SOAT1: variants seen among roughly 807,000 people sequenced by gnomAD.
SOAT1 encodes the protein sterol O-acyltransferase 1, also known as acyl-coenzyme A:cholesterol acyltransferase 1.
In SOAT1, 55 loss-of-function variants were observed where a neutral mutation model predicts 69.5. The observed-to-expected ratio is 0.79, with a 90% CI of 0.64 to 0.99. The LOEUF (loss-of-function observed/expected upper bound fraction) is 0.99. Ranked by LOEUF, SOAT1 falls within the 50% of genes least tolerant of loss-of-function variation. SOAT1 has a pLI of 0.00. For missense variants in SOAT1, 580 were observed against 669.3 expected (o/e 0.87, Z 1.47); for synonymous variants, 231 against 224.7 (o/e 1.03, Z -0.25).
chr1:179,296,187 T>C (rs1664633993), intron 1 of SOAT1, among the ~76,000 whole-genome samples: 1 of 152,040 alleles, frequency 6.6e-6, no homozygotes, highest in Non-Finnish European at 1.5e-5. Flanking sequence ...CAGACTGGTC[T>C]CAAACTCCTG....
intron 3 of SOAT1, among the ~76,000 whole-genome samples, chr1:179,333,032 T>C (rs1351790051): frequency 4.6e-5 from 7 of 152,228 alleles, no homozygotes; most frequent in African/African-American, 1.7e-4. Flanking sequence ...ACATTAGGCA[T>C]GTAATTATAA....
At chr1:179,325,228 C>T (rs572983232) in intron 3 of SOAT1, among the ~76,000 whole-genome samples, 1 of 147,782 alleles carries the variant, frequency 6.8e-6, no homozygotes, top group Admixed American at 7.0e-5. Context: ...CGGCTCACTG[C>T]AAGCTCCACC....
chr1:179,351,319 G>C lies in SOAT1; in HGVS notation c.1453G>C (p.Ala485Pro). The C allele has an allele frequency of 1.2e-6, 2 of 1,613,634 alleles. No individual in the cohort carries two copies. The highest frequency in any genetic ancestry group is 1.7e-6 in the Non-Finnish European group (2 of 1,179,834). The change falls in exon 15 of 16, where the codon GCT (alanine) becomes CCT (proline). Residue 485 changes from alanine (A) to proline (P), a missense_variant and splice_region_variant. Ala to Pro is a conservative substitution (Grantham distance 27, BLOSUM62 -1). Coordinates refer to ENST00000367619, the MANE Select transcript of SOAT1 (RefSeq NM_003101.6). ...CTTTGTTGCCTTCCTATTTTTAGTG[G>C]CTTTCAACTTCATTGTCAATGATAG... ...LFVLFMFFGM[A>P]FNFIVNDSRK...
intron 1 of SOAT1, among the ~76,000 whole-genome samples, chr1:179,296,237 G>A (rs996366836): frequency 2.0e-5 from 3 of 152,108 alleles, no homozygotes; most frequent in African/African-American, 7.2e-5. Flanking sequence ...CCAAAGAGGT[G>A]GGATTACAGG....
intron 2 of SOAT1, among the ~76,000 whole-genome samples, chr1:179,321,857 A>G (rs1014948360): frequency 2.0e-5 from 3 of 149,592 alleles, no homozygotes; most frequent in African/African-American, 7.3e-5. Flanking sequence ...GTTTCTTGTT[A>G]CTTGCTTATG....
At chr1:179,347,502 C>T in intron 11 of SOAT1, 98 bp from the exon 12 acceptor site, 1 of 669,146 alleles carries the variant, frequency 1.5e-6, no homozygotes, top group Non-Finnish European at 2.6e-6. Context: ...TTATATTTTA[C>T]AAAATAATCC....
intron 2 of SOAT1, among the ~76,000 whole-genome samples, chr1:179,319,521 T>C (rs923789168): frequency 7.9e-5 from 12 of 152,146 alleles, no homozygotes; most frequent in African/African-American, 2.9e-4. Context: ...CTGCCCGCCT[T>C]GGCCTCCCAA....
intron 3 of SOAT1, among the ~76,000 whole-genome samples, chr1:179,325,147 A>AATT (rs1553245742): frequency 7.2e-5 from 7 of 96,840 alleles, no homozygotes; most frequent in African/African-American, 2.7e-4. Flanking sequence ...TTAGTGACTA[A>AATT]TTTTTTTTTT....
At chr1:179,296,813 C>T (rs1664663591) in intron 1 of SOAT1, among the ~76,000 whole-genome samples, 1 of 152,176 alleles carries the variant, frequency 6.6e-6, no homozygotes, top group Admixed American at 6.5e-5. Flanking sequence ...TTAATGGGAA[C>T]ACGGAGGCAG....
Position 179,347,680 on chromosome 1 carries a change from G to T in SOAT1, c.1198G>T (p.Asp400Tyr). Residue 400 changes from aspartate to tyrosine, a missense_variant, in exon 12 of 16, where the codon GAC (aspartate) becomes TAC (tyrosine). By Grantham distance (160) the Asp-to-Tyr change is radical. Transcript: ENST00000367619. ...NAFAEMLRFG[D>Y]RMFYKDWWNS... The stretch of plus-strand genomic sequence containing the variant: ...CTTTGCTGAGATGTTACGCTTTGGT[G>T]ACAGGATGTTCTATAAGGTAGTATA... The T allele has an allele frequency of 6.2e-7, 1 of 1,609,886 alleles. No homozygotes were observed. The highest frequency in any genetic ancestry group is 8.5e-7 in the Non-Finnish European group (1 of 1,176,448).
intron 3 of SOAT1, among the ~76,000 whole-genome samples, chr1:179,326,786 TGGCCTCAAATGATCCACCCCACCTC>T (rs368568054): frequency 1.1e-4 from 16 of 152,158 alleles, no homozygotes; most frequent in African/African-American, 3.6e-4. Context: ...TTGGAACTCC[TGGCCTCAAATGATCCACCCCACCTC>T]GGCCTCCCAA....
chr1:179,312,792 C>T (rs1172074904), intron 2 of SOAT1, among the ~76,000 whole-genome samples: 2 of 152,210 alleles, frequency 1.3e-5, no homozygotes, highest in Non-Finnish European at 1.5e-5. Context: ...ACCCTTTACC[C>T]GCTTTGCCCT....
rs183118617 is a variant in SOAT1 at position 179,337,133 on chromosome 1, A to G, written c.330-704A>G. Among the ~76,000 whole-genome samples the G allele has an allele frequency of 2.4e-4, 37 of 152,326 alleles. No individual in the cohort carries two copies. In the East Asian group the frequency reaches 6.9e-3, roughly 29 times the overall value. ...CGAGTGAAGGCTATCAAAGGCTAATATGTGTTAACTTGCCATTCCATGCTC... is the reference window on the plus strand; with the variant it reads ...CGAGTGAAGGCTATCAAAGGCTAATGTGTGTTAACTTGCCATTCCATGCTC... On this transcript the variant is annotated intron_variant, in intron 4 of 15. Coordinates refer to ENST00000367619, the MANE Select transcript of SOAT1 (RefSeq NM_003101.6).
chr1:179,347,637 G>C lies in SOAT1; in HGVS notation c.1155G>C (p.Leu385Phe). 1 of 1,612,100 alleles carries C rather than the reference G, an allele frequency of 6.2e-7. No homozygotes were observed. The highest frequency in any genetic ancestry group is 8.5e-7 in the Non-Finnish European group (1 of 1,179,160). ...LILFLTFFAF[L>F]HCWLNAFAEM... is the part of the protein sequence containing the mutation. The stretch of plus-strand genomic sequence containing the variant: ...TCTTCCTTACTTTTTTTGCCTTTTT[G>C]CACTGCTGGCTCAATGCCTTTGCTG... The change falls in exon 12 of 16, where the codon TTG becomes TTC. Residue 385 changes from leucine to phenylalanine, a missense_variant. Coordinates refer to ENST00000367619, the MANE Select transcript of SOAT1 (RefSeq NM_003101.6).
chr1:179,303,484 C>A (rs1015857155), intron 2 of SOAT1, among the ~76,000 whole-genome samples: 1 of 152,180 alleles, frequency 6.6e-6, no homozygotes, highest in African/African-American at 2.4e-5. Flanking sequence ...TTGATTTCAA[C>A]AAGGATTTGA....
intron 1 of SOAT1, among the ~76,000 whole-genome samples, chr1:179,296,376 C>T (rs941643823): frequency 2.0e-5 from 3 of 152,144 alleles, no homozygotes; most frequent in Non-Finnish European, 4.4e-5. Context: ...CCGTATCCCC[C>T]ATGGATATGG....
At chr1:179,305,307 C>T (rs6425527) in intron 2 of SOAT1, among the ~76,000 whole-genome samples, 41,034 of 151,958 alleles carry the variant, frequency 0.27, 5,716 homozygotes, top group East Asian at 0.46. Flanking sequence ...AGTGCAGGGG[C>T]TATTCACAGG....
Position 179,345,007 on chromosome 1 carries a change from C to A in SOAT1, c.1048C>A (p.Arg350=). ...IFERLCAPLF[R]NIKQEPFSAR... is the part of the protein sequence containing the mutation. ...TGAAAGGCTTTGTGCCCCCTTGTTT[C>A]GGAATATCAAACAGGAGCCCTTCAG... Residue 350 remains arginine, a synonymous_variant, in exon 11 of 16, where the codon CGG becomes AGG. Coordinates refer to ENST00000367619, the MANE Select transcript of SOAT1 (RefSeq NM_003101.6). 3.1e-6 allele frequency: 5 copies of A among 1,613,954 alleles called. No individual in the cohort carries two copies. Among genetic ancestry groups the A allele is most frequent in the Non-Finnish European group, 4.2e-6 (5 of 1,179,910 alleles).
In SOAT1 at chr1:179,353,604, T is replaced by A. The variant is rs1666820937; in HGVS notation, c.1616T>A (p.Val539Asp). The A allele has an allele frequency of 6.2e-7, 1 of 1,613,724 alleles. No individual in the cohort carries two copies. Among genetic ancestry groups the A allele is most frequent in the Non-Finnish European group, 8.5e-7 (1 of 1,179,834 alleles). Residue 539 changes from valine to aspartate, a missense_variant, in exon 16 of 16, where the codon GTC (valine) becomes GAC (aspartate). Physicochemically the swap from Val to Asp is radical, Grantham distance 152 (BLOSUM62 -3). Coordinates refer to ENST00000367619, the MANE Select transcript of SOAT1 (RefSeq NM_003101.6). ...CTGCAGCCCACATTTTTGGATTATG[T>A]CCGGCCACGTTCCTGGACTTGTCGT... ...PLKNPTFLDY[V>D]RPRSWTCRYV...
Sources: allele counts gnomAD v4.1 joint callset (sites outside exome capture counted in the v4.1 genomes callset), GRCh38; gene constraint gnomAD v4.1.1; transcripts MANE v1.5; gene names NCBI Gene and HGNC (gene_info 2026-07-23, HGNC 2026-07-21).